The following HOXA11 variants were observed in gnomAD, a reference collection of about 807,000 sequenced individuals.
HOXA11 encodes the protein homeobox A11.
In HOXA11, 8 loss-of-function variants were observed where a neutral mutation model predicts 22.5. The ratio of observed to expected loss-of-function variants is 0.36; its 90% CI spans 0.21 to 0.64. The LOEUF (loss-of-function observed/expected upper bound fraction) is 0.64, where lower values mean the gene tolerates loss of function less well. Among genes scored for constraint, HOXA11 ranks in the 30% least tolerant of loss-of-function variants. The pLI is 0.67. For missense variants in HOXA11, 388 were observed against 429.0 expected (o/e 0.90, Z 0.84); for synonymous variants, 211 against 188.4 (o/e 1.12, Z -0.98).
chr7:27,184,740 G>A lies in HOXA11; in HGVS notation c.405C>T (p.Val135=). ...NFYSTVGRNG[V]LPQAFDQFFE... The stretch of plus-strand genomic sequence containing the variant: ...AAAACTGGTCGAAAGCCTGTGGCAG[G>A]ACGCCGTTCCTGCCCACGGTGCTAT... Residue 135 remains valine, a synonymous_variant, in exon 1 of 2, where the codon GTC becomes GTT. Coordinates refer to ENST00000006015, the MANE Select transcript of HOXA11 (RefSeq NM_005523.6). The A allele has an allele frequency of 6.2e-7, 1 of 1,613,846 alleles. No homozygotes were observed. The highest frequency in any genetic ancestry group is 8.5e-7 in the Non-Finnish European group (1 of 1,179,942).
intron 1 of HOXA11, 72 bp downstream of exon 1, chr7:27,184,364 A>G (rs1480859224): frequency 3.4e-6 from 5 of 1,456,874 alleles, no homozygotes; most frequent in African/African-American, 1.4e-5. Flanking sequence ...GCATATAAAA[A>G]TTTAACAGCG....
rs964348008 is a variant in HOXA11, at chr7:27,182,105, G to T, written c.*691C>A. ...GGCCTGAGTGGCAGGCTGGAACCAA[G>T]ACCCTCATTTGGTAGAAAGAAAAGC... On this transcript the variant is annotated 3_prime_UTR_variant, in exon 2 of 2. Transcript: ENST00000006015. The T allele has an allele frequency of 1.3e-5, 3 of 236,766 alleles. No individual in the cohort carries two copies. Among genetic ancestry groups the T allele is most frequent in the Non-Finnish European group, 2.5e-5 (3 of 120,192 alleles). The allele number at this position is 236,766 out of a possible 1,614,324, so 14.7% of individuals were successfully genotyped here. A position where few individuals can be genotyped will look rare whatever the true frequency, so the allele number is the denominator to read the frequency against.
In HOXA11 at chr7:27,182,842, A is replaced by T; in HGVS notation, c.896T>A (p.Ile299Asn). The change falls in exon 2 of 2, where the codon ATT (isoleucine) becomes AAT (asparagine). Residue 299 changes from isoleucine (I) to asparagine (N), a missense_variant. Physicochemically the swap from Ile to Asn is moderately radical, Grantham distance 149. This residue lies in a region of HOXA11 where 55 missense variants were observed against 90.8 expected (regional missense o/e 0.61). Coordinates refer to ENST00000006015, the MANE Select transcript of HOXA11 (RefSeq NM_005523.6). Reference sequence around the variant, plus strand: ...GTAGTACTGTAAACGGTCTCTGTTAATTTTTTTTTCCTTCATTCTCCTGTT... The same window carrying T: ...GTAGTACTGTAAACGGTCTCTGTTATTTTTTTTTTCCTTCATTCTCCTGTT... ...FQNRRMKEKK[I>N]NRDRLQYYSA... 1.9e-6 allele frequency: 3 copies of T among 1,608,242 alleles called. No individual in the cohort carries two copies. Among genetic ancestry groups the T allele is most frequent in the Non-Finnish European group, 2.6e-6 (3 of 1,174,980 alleles).
Position 27,182,664 on chromosome 7 carries a change from G to T in HOXA11, c.*132C>A. On this transcript the variant is annotated 3_prime_UTR_variant, in exon 2 of 2. Coordinates refer to ENST00000006015, the MANE Select transcript of HOXA11 (RefSeq NM_005523.6). ...AGAGTCCCAGACCACCTCCTGTGGG[G>T]CTATCTCCATGCATCCCTCTCTTGC... The T allele has an allele frequency of 1.4e-6, 1 of 730,350 alleles. No individual in the cohort carries two copies. Among genetic ancestry groups the T allele is most frequent in the Non-Finnish European group, 2.5e-6 (1 of 395,664 alleles). 45.2% of individuals were successfully genotyped at this position (730,350 alleles called of 1,614,324 possible). A position where few individuals can be genotyped will look rare whatever the true frequency, so the allele number is the denominator to read the frequency against.
rs1335647083 is a variant in HOXA11 at position 27,184,691 on chromosome 7, C to G, written c.454G>C (p.Glu152Gln). The G allele has an allele frequency of 6.2e-7, 1 of 1,613,434 alleles. No homozygotes were observed. The highest frequency in any genetic ancestry group is 1.7e-5 in the Admixed American group (1 of 60,020). ...GGGTAGTCGGAGGAGGCGAGGTTTTCCGGGGTGCCGTAGGCTGTCTCGAAA... is the reference window on the plus strand; with the variant it reads ...GGGTAGTCGGAGGAGGCGAGGTTTTGCGGGGTGCCGTAGGCTGTCTCGAAA... ...QFFETAYGTP[E>Q]NLASSDYPGD... The change falls in exon 1 of 2, where the codon GAA (glutamate) becomes CAA (glutamine). Residue 152 changes from glutamate to glutamine, a missense_variant. Glu to Gln is a conservative substitution (Grantham distance 29). Transcript: ENST00000006015.
Position 27,182,500 on chromosome 7 carries a change from T to A in HOXA11, c.*296A>T, listed in dbSNP as rs528751640. 3 of 488,782 alleles carry A rather than the reference T, an allele frequency of 6.1e-6. No individual in the cohort carries two copies. The highest frequency in any genetic ancestry group is 7.3e-5 in the East Asian group (2 of 27,316). 30.3% of individuals were successfully genotyped at this position (488,782 alleles called of 1,614,324 possible). A position where few individuals can be genotyped will look rare whatever the true frequency, so the allele number is the denominator to read the frequency against. Reference sequence around the variant, plus strand: ...GGTCTGGCAGGGGCCCAATCCCCAGTGGAGACCACACCCAGCCCGCAGCTC... The same window carrying A: ...GGTCTGGCAGGGGCCCAATCCCCAGAGGAGACCACACCCAGCCCGCAGCTC... On this transcript the variant is annotated 3_prime_UTR_variant, in exon 2 of 2. Transcript: ENST00000006015.
At position 27,182,743 on chromosome 7, in the gene HOXA11, G is replaced by T; in HGVS notation, c.*53C>A. ...CTTGACTTTGTCAAGGGCAAAATCT[G>T]CATATTATCTCATGTGTATGAAGCC... is the stretch of plus-strand genomic sequence containing the variant. On this transcript the variant is annotated 3_prime_UTR_variant, in exon 2 of 2. Coordinates refer to ENST00000006015, the MANE Select transcript of HOXA11 (RefSeq NM_005523.6). 1 of 1,150,904 alleles carries T rather than the reference G, an allele frequency of 8.7e-7. No homozygotes were observed. The highest frequency in any genetic ancestry group is 1.3e-6 in the Non-Finnish European group (1 of 757,966). The allele number at this position is 1,150,904 out of a possible 1,614,324, so 71.3% of individuals were successfully genotyped here.
chr7:27,184,304 G>T, intron 1 of HOXA11, 132 bp downstream of exon 1: 6 of 830,660 alleles, frequency 7.2e-6, no homozygotes, highest in Admixed American at 3.1e-5. Flanking sequence ...ACAAAGTTTT[G>T]TTGGGGGAAA....
chr7:27,184,892 C>T lies in HOXA11; in HGVS notation c.253G>A (p.Ala85Thr), dbSNP rs755916086. The change falls in exon 1 of 2, where the codon GCG becomes ACG. Residue 85 changes from alanine to threonine, a missense_variant. Transcript: ENST00000006015. Reference sequence around the variant, plus strand: ...CAGTCTCTGTGCACGAGCTCCTCCGCGGAGTAGCAGTGGGCCAGATTGCCG... The same window carrying T: ...CAGTCTCTGTGCACGAGCTCCTCCGTGGAGTAGCAGTGGGCCAGATTGCCG... ...PRGNLAHCYS[A>T]EELVHRDCLQ... 3 of 1,614,108 alleles carry T rather than the reference C, an allele frequency of 1.9e-6. No individual in the cohort carries two copies. Among genetic ancestry groups the T allele is most frequent in the Non-Finnish European group, 2.5e-6 (3 of 1,180,002 alleles).
At position 27,185,081 on chromosome 7, in the gene HOXA11, C is replaced by G. The variant is rs748711854; in HGVS notation, c.64G>C (p.Val22Leu). ...AGGCTGGAGAAATCTGGACCCGAGA[C>G]GTAGTAAGTACAACTTGGCAAATAC... ...NMYLPSCTYY[V>L]SGPDFSSLPS... Residue 22 changes from valine to leucine, a missense_variant, in exon 1 of 2, where the codon GTC becomes CTC. Around this residue, in one of 4 missense-constraint regions of HOXA11, gnomAD observed 26 missense variants for 26.5 expected, o/e 0.98. Coordinates refer to ENST00000006015, the MANE Select transcript of HOXA11 (RefSeq NM_005523.6). 4.3e-6 allele frequency: 7 copies of G among 1,614,076 alleles called. No individual in the cohort carries two copies. In the Admixed American group the frequency reaches 1.2e-4, roughly 27 times the overall value.
intron 1 of HOXA11, among the ~76,000 whole-genome samples, chr7:27,183,913 G>A (rs1394289633): frequency 6.6e-6 from 1 of 152,156 alleles, no homozygotes; most frequent in African/African-American, 2.4e-5. Context: ...GCCAACTTTG[G>A]GTTAATTTGT....
rs761396527 is a variant in HOXA11, at chr7:27,184,811, C to T, written c.334G>A (p.Ala112Thr). Residue 112 changes from alanine to threonine, a missense_variant, in exon 1 of 2, where the codon GCC (alanine) becomes ACC (threonine). Around this residue, in one of 4 missense-constraint regions of HOXA11, gnomAD observed 295 missense variants for 281.1 expected, o/e 1.05. Coordinates refer to ENST00000006015, the MANE Select transcript of HOXA11 (RefSeq NM_005523.6). ...VPGDVLAKSS[A>T]NVYHHPTPAV... The stretch of plus-strand genomic sequence containing the variant: ...GGGGTGGGGTGGTGGTAGACGTTGG[C>T]CGAGCTCTTGGCCAGCACGTCGCCA... 8.1e-6 allele frequency: 13 copies of T among 1,613,728 alleles called. No homozygotes were observed. Among genetic ancestry groups the T allele is most frequent in the South Asian group, 3.3e-5 (3 of 91,094 alleles).
At chr7:27,183,910 T>C (rs1783810599) in intron 1 of HOXA11, among the ~76,000 whole-genome samples, 1 of 151,998 alleles carries the variant, frequency 6.6e-6, no homozygotes, top group Non-Finnish European at 1.5e-5. Context: ...AAGGCCAACT[T>C]TGGGTTAATT....
intron 1 of HOXA11, among the ~76,000 whole-genome samples, chr7:27,183,475 C>T (rs560278762): frequency 6.6e-6 from 1 of 152,364 alleles, no homozygotes; most frequent in South Asian, 2.1e-4. Flanking sequence ...TCTTTCCCGG[C>T]TGCGGCCAAG....
chr7:27,185,036 T>C lies in HOXA11; in HGVS notation c.109A>G (p.Thr37Ala). The part of the protein sequence containing the change: ...FSSLPSFLPQ[T>A]PSSRPMTYSY... The stretch of plus-strand genomic sequence containing the variant: ...TATGTCATTGGGCGCGAAGACGGGG[T>C]CTGGGGCAGAAAAGAAGGGAGGCTG... The change falls in exon 1 of 2, where the codon ACC becomes GCC. Residue 37 changes from threonine (T) to alanine (A), a missense_variant. Transcript: ENST00000006015. 1.2e-6 allele frequency: 2 copies of C among 1,613,500 alleles called. No individual in the cohort carries two copies. The highest frequency in any genetic ancestry group is 3.3e-5 in the Admixed American group (2 of 59,974).
Position 27,183,062 on chromosome 7 carries a change from G to A in HOXA11, c.710-34C>T, listed in dbSNP as rs1783795604. The A allele has an allele frequency of 4.9e-6, 7 of 1,438,518 alleles. No homozygotes were observed. The Admixed American group carries it at 1.0e-4, about 21-fold the overall frequency. The allele number at this position is 1,438,518 out of a possible 1,614,324, so 89.1% of individuals were successfully genotyped here. ...GGAGAAAAGGCATGGGGTGAGCCAG[G>A]TGTGGGGGCTGCAATCCACCCCAGA... On this transcript the variant is annotated intron_variant, in intron 1 of 1. Coordinates refer to ENST00000006015, the MANE Select transcript of HOXA11 (RefSeq NM_005523.6).
intron 1 of HOXA11, among the ~76,000 whole-genome samples, chr7:27,183,395 C>A (rs921728724): frequency 6.6e-6 from 1 of 152,262 alleles, no homozygotes; most frequent in Non-Finnish European, 1.5e-5. Flanking sequence ...AAACAGCCGC[C>A]TGCGGACATT....
At position 27,183,043 on chromosome 7, in the gene HOXA11, A is replaced by G. The variant is rs768285430; in HGVS notation, c.710-15T>C. The G allele has an allele frequency of 5.5e-5, 87 of 1,585,338 alleles. No individual in the cohort carries two copies. Among genetic ancestry groups the G allele is most frequent in the Non-Finnish European group, 7.1e-5 (82 of 1,155,112 alleles). On this transcript the variant is annotated splice_polypyrimidine_tract_variant and intron_variant, in intron 1 of 1. Coordinates refer to ENST00000006015, the MANE Select transcript of HOXA11 (RefSeq NM_005523.6). ...GCGTTGGCCACCTGTGGAGGGAGAA[A>G]AGGCATGGGGTGAGCCAGGTGTGGG...
chr7:27,184,296 A>C, intron 1 of HOXA11, 140 bp downstream of exon 1: 1 of 809,882 alleles, frequency 1.2e-6, no homozygotes, highest in South Asian at 2.1e-5. Flanking sequence ...CTTTTATAAC[A>C]AAGTTTTGTT....
Sources: allele counts gnomAD v4.1 joint callset (sites outside exome capture counted in the v4.1 genomes callset), GRCh38; gene constraint gnomAD v4.1.1; regional missense constraint gnomAD v4.1.1; transcripts MANE v1.5; gene names NCBI Gene and HGNC (gene_info 2026-07-23, HGNC 2026-07-21).